The following SWAP70 variants were observed in gnomAD, a reference collection of about 807,000 sequenced individuals.
SWAP70 encodes the protein switching B cell complex subunit SWAP70.
A neutral mutation model predicts 80.2 loss-of-function variants in SWAP70; 34 were observed. The observed-to-expected ratio is 0.42, with a 90% CI of 0.32 to 0.56. The LOEUF is 0.56. Among genes scored for constraint, SWAP70 ranks in the 20% least tolerant of loss-of-function variants. The pLI is 0.09. For missense variants in SWAP70, 578 were observed against 690.7 expected, an observed-to-expected ratio of 0.84 and a Z score of 1.83; for synonymous variants, 239 against 238.5, an observed-to-expected ratio of 1.00 and a Z score of -0.02.
intron 4 of SWAP70, among the ~76,000 whole-genome samples, chr11:9,727,370 G>A (rs1031172538): frequency 6.6e-6 from 1 of 152,072 alleles, no homozygotes; most frequent in African/African-American, 2.4e-5. Flanking sequence ...CAGCCTGGGC[G>A]ACAGAGCGAC....
At chr11:9,694,381 T>G in intron 2 of SWAP70, 95 bp downstream of exon 2, 1 of 1,343,096 alleles carries the variant, frequency 7.4e-7, no homozygotes, top group Non-Finnish European at 9.9e-7. Flanking sequence ...ACTAAGGAGT[T>G]GAGGTACAAA....
intron 1 of SWAP70, among the ~76,000 whole-genome samples, chr11:9,688,270 G>A (rs185688426): frequency 6.6e-6 from 1 of 152,214 alleles, no homozygotes; most frequent in Admixed American, 6.5e-5. Flanking sequence ...ATAAGATATG[G>A]GCCTTTCAGA....
rs551361095 is a variant in SWAP70, at chr11:9,711,952, A to C, written c.241-1514A>C. Among the ~76,000 whole-genome samples, 23 of 152,308 alleles carry C rather than the reference A, an allele frequency of 1.5e-4. No homozygotes were observed. In the East Asian group the frequency reaches 4.4e-3, roughly 29 times the overall value. ...TAAATACTCACAGTTCTTCCAAACT[A>C]ACCATGCTTGCCTCCACTTCGGGGC... On this transcript the variant is annotated intron_variant, in intron 2 of 11. Transcript: ENST00000318950.
intron 7 of SWAP70, among the ~76,000 whole-genome samples, chr11:9,735,965 T>TC (rs959270129): frequency 7.9e-5 from 12 of 152,144 alleles, no homozygotes; most frequent in Non-Finnish European, 1.2e-4. Context: ...TACTTTTTTT[T>TC]CCCTCTTCTG....
Position 9,727,530 on chromosome 11 carries a change from G to A in SWAP70, c.643-523G>A, listed in dbSNP as rs141326517. ...ATGAGCCACTGCATCAGGCCTGATC[G>A]AGGTTTTAATTTACAGAGAATCATT... On this transcript the variant is annotated intron_variant, in intron 4 of 11. Transcript: ENST00000318950. Among the ~76,000 whole-genome samples, 324 of 150,134 alleles carry A rather than the reference G, an allele frequency of 2.2e-3. 1 individual carries two copies. The highest frequency in any genetic ancestry group is 7.7e-3 in the African/African-American group (312 of 40,306).
rs532292220 is a variant in SWAP70 at position 9,668,056 on chromosome 11, T to G, written c.99+3778T>G. Among the ~76,000 whole-genome samples the G allele has an allele frequency of 1.6e-3, 245 of 152,226 alleles. 3 individuals are homozygous for G. Among genetic ancestry groups the G allele is most frequent in the Non-Finnish European group, 4.9e-4 (33 of 68,016 alleles). On this transcript the variant is annotated intron_variant, in intron 1 of 11. Coordinates refer to ENST00000318950, the MANE Select transcript of SWAP70 (RefSeq NM_015055.4). ...GGTGCCCACTACCACACCTGGCTAATTTTTGTATTTTTAGTAGAGATGGGG... is the reference window on the plus strand; with the variant it reads ...GGTGCCCACTACCACACCTGGCTAAGTTTTGTATTTTTAGTAGAGATGGGG...
intron 1 of SWAP70, among the ~76,000 whole-genome samples, chr11:9,669,756 A>G (rs1324090017): frequency 1.3e-5 from 2 of 152,010 alleles, no homozygotes; most frequent in African/African-American, 4.8e-5. Flanking sequence ...GAAAGCTTTG[A>G]TTGCCACACA....
chr11:9,707,746 C>T (rs12271923), intron 2 of SWAP70, among the ~76,000 whole-genome samples: 4 of 151,202 alleles, frequency 2.6e-5, no homozygotes, highest in South Asian at 2.1e-4. Context: ...TGTAGAGACG[C>T]GGTATCACCA....
chr11:9,742,570 T>A (rs1477922574), intron 9 of SWAP70, among the ~76,000 whole-genome samples: 2 of 152,048 alleles, frequency 1.3e-5, no homozygotes, highest in African/African-American at 4.8e-5. Context: ...CTCCTGACCT[T>A]GTGATCCGCC....
At chr11:9,731,547 T>C (rs1299378171) in intron 6 of SWAP70, among the ~76,000 whole-genome samples, 1 of 152,234 alleles carries the variant, frequency 6.6e-6, no homozygotes, top group Non-Finnish European at 1.5e-5. Context: ...AAGTTATGGT[T>C]TAGCTGCACA....
intron 1 of SWAP70, among the ~76,000 whole-genome samples, chr11:9,671,484 T>A (rs1315889958): frequency 9.0e-4 from 79 of 87,738 alleles, no homozygotes; most frequent in African/African-American, 3.4e-3. Flanking sequence ...AAAAGTATAT[T>A]TATAAATATA....
intron 2 of SWAP70, among the ~76,000 whole-genome samples, chr11:9,707,477 A>C (rs895268273): frequency 6.6e-6 from 1 of 150,796 alleles, no homozygotes; most frequent in African/African-American, 2.4e-5. Flanking sequence ...CCCTATTGTC[A>C]CCTATGAGAG....
chr11:9,694,320 G>A (rs1281782520), intron 2 of SWAP70, 34 bp downstream of exon 2: 1 of 1,568,748 alleles, frequency 6.4e-7, no homozygotes, highest in Admixed American at 1.8e-5. Flanking sequence ...GTGTAGCATT[G>A]TTTGGTTTGC....
At position 9,752,855 on chromosome 11, in the gene SWAP70, C is replaced by T. The variant is rs761145062; in HGVS notation, c.*2885C>T. 3.3e-5 allele frequency: 5 copies of T among 152,068 alleles called. No individual in the cohort carries two copies. Among genetic ancestry groups the T allele is most frequent in the African/African-American group, 1.2e-4 (5 of 41,412 alleles). The allele number at this position is 152,068 out of a possible 1,614,324, so 9.4% of individuals were successfully genotyped here. On this transcript the variant is annotated 3_prime_UTR_variant, in exon 12 of 12. Transcript: ENST00000318950. ...TACAATGTAATATGCTCAACTTTCT[C>T]AATTTTTTGCTAATTTTTCTAAGAT...
At chr11:9,705,448 T>C (rs1406824430) in intron 2 of SWAP70, among the ~76,000 whole-genome samples, 2 of 138,990 alleles carry the variant, frequency 1.4e-5, no homozygotes, top group Non-Finnish European at 3.1e-5. Flanking sequence ...GTGATCTGTA[T>C]ACACTGGTGA....
chr11:9,666,727 T>C (rs1471717418), intron 1 of SWAP70, among the ~76,000 whole-genome samples: 13 of 145,996 alleles, frequency 8.9e-5, no homozygotes, highest in Non-Finnish European at 1.7e-4. Context: ...CCTCTTAATT[T>C]TTTTTTTTTT....
At chr11:9,728,224 A>G in intron 5 of SWAP70, 25 bp downstream of exon 5, 1 of 1,571,196 alleles carries the variant, frequency 6.4e-7, no homozygotes, top group Non-Finnish European at 8.6e-7. Context: ...ACTTCTTTGC[A>G]TGATTACCCC....
At chr11:9,740,102 C>T in intron 8 of SWAP70, 79 bp from the exon 9 acceptor site, 2 of 1,383,084 alleles carry the variant, frequency 1.4e-6, no homozygotes, top group Non-Finnish European at 2.0e-6. Context: ...CAGCTGTGGG[C>T]AACCCCTCAG....
chr11:9,711,202 G>A (rs1359706652), intron 2 of SWAP70, among the ~76,000 whole-genome samples: 6 of 152,168 alleles, frequency 3.9e-5, no homozygotes, highest in African/African-American at 1.4e-4. Context: ...GACTACAGGA[G>A]TGAGGCACTG....
Sources: gnomAD v4.1 joint callset for allele counts (sites outside exome capture counted in the v4.1 genomes callset) on GRCh38, gnomAD v4.1.1 for gene constraint, MANE v1.5 for transcripts, NCBI Gene and HGNC (gene_info 2026-07-23, HGNC 2026-07-21) for gene names.